ANKRD29: variants seen among roughly 807,000 people sequenced by gnomAD.
The protein encoded by ANKRD29 is ankyrin repeat domain-containing protein 29.
A neutral mutation model predicts 38.0 loss-of-function variants in ANKRD29; 32 were observed. That is an observed-to-expected ratio of 0.84 (90% confidence interval 0.64 to 1.13). The LOEUF (loss-of-function observed/expected upper bound fraction) is 1.13. ANKRD29 is among the 50% of genes most tolerant of loss of function. The pLI, the probability that ANKRD29 is intolerant of heterozygous loss-of-function variation, is 0.00. For missense variants in ANKRD29, 357 were observed against 377.9 expected (o/e 0.94, Z 0.46); for synonymous variants, 135 against 152.4 (o/e 0.89, Z 0.84).
chr18:23,635,290 T>TAAA (rs111546184), intron 4 of ANKRD29, among the ~76,000 whole-genome samples: 1 of 103,264 alleles, frequency 9.7e-6, no homozygotes. Context: ...ATAAAAAAAG[T>TAAA]AAAAAAAAAA....
chr18:23,611,664 G>T (rs571006004), intron 9 of ANKRD29, among the ~76,000 whole-genome samples: 1 of 152,088 alleles, frequency 6.6e-6, no homozygotes. Context: ...CAGTCTGGGT[G>T]ACAGAGCGAG....
At chr18:23,601,857 C>T (rs1422608500) in intron 9 of ANKRD29, among the ~76,000 whole-genome samples, 1 of 151,430 alleles carries the variant, frequency 6.6e-6, no homozygotes, top group Non-Finnish European at 1.5e-5. Flanking sequence ...TGGGGTTTGC[C>T]ATGTTGCCCC....
rs2059501582 is a variant in ANKRD29 at position 23,600,777 on chromosome 18, T to G, written c.*449A>C. The G allele has an allele frequency of 6.4e-6, 1 of 155,292 alleles. No homozygotes were observed. The highest frequency in any genetic ancestry group is 1.4e-5 in the Non-Finnish European group (1 of 69,556). 9.6% of individuals were successfully genotyped at this position (155,292 alleles called of 1,614,324 possible). A position where few individuals can be genotyped will look rare whatever the true frequency, so the allele number is the denominator to read the frequency against. On this transcript the variant is annotated 3_prime_UTR_variant, in exon 10 of 10. Transcript: ENST00000592179. The stretch of plus-strand genomic sequence containing the variant: ...ACATATGTAGGTAAAATATGATAGA[T>G]CTATATATTTTAGCACATCTACATT...
intron 1 of ANKRD29, among the ~76,000 whole-genome samples, chr18:23,662,323 T>C (rs2060374093): frequency 6.6e-6 from 1 of 152,156 alleles, no homozygotes; most frequent in Non-Finnish European, 1.5e-5. Flanking sequence ...GTGCAGCTGG[T>C]ACTCCTGCAT....
chr18:23,662,886 A>G lies in ANKRD29; in HGVS notation c.-156T>C, dbSNP rs1029619294. 1 of 572,530 alleles carries G rather than the reference A, an allele frequency of 1.7e-6. No homozygotes were observed. The highest frequency in any genetic ancestry group is 6.1e-5 in the Admixed American group (1 of 16,276). The allele number at this position is 572,530 out of a possible 1,614,324, so 35.5% of individuals were successfully genotyped here. On this transcript the variant is annotated 5_prime_UTR_variant, in exon 1 of 10. Transcript: ENST00000592179. ...CCCGGCCCGGCAGCAGCCGCCGCAC[A>G]CAGGGCCGGGCCGAAGGGGCGGCGC...
At chr18:23,617,657 G>A (rs1388103973) in intron 8 of ANKRD29, 75 bp downstream of exon 8, 15 of 1,270,194 alleles carry the variant, frequency 1.2e-5, no homozygotes, top group Non-Finnish European at 1.7e-5. Context: ...ACCCAAATTC[G>A]ACACAGTCCC....
chr18:23,646,109 C>T, intron 3 of ANKRD29, 80 bp downstream of exon 3: 3 of 1,297,380 alleles, frequency 2.3e-6, no homozygotes, highest in South Asian at 2.6e-5. Flanking sequence ...TGGCTCTTGT[C>T]CCCCATACCA....
intron 1 of ANKRD29, among the ~76,000 whole-genome samples, chr18:23,652,693 T>C (rs760710849): frequency 6.6e-6 from 1 of 152,220 alleles, no homozygotes; most frequent in African/African-American, 2.4e-5. Context: ...TGTAAAGCAC[T>C]TTACCAAGCA....
chr18:23,607,096 G>A (rs1384817990), intron 9 of ANKRD29, among the ~76,000 whole-genome samples: 1 of 152,166 alleles, frequency 6.6e-6, no homozygotes, highest in Admixed American at 6.6e-5. Context: ...CTGCTGGCTG[G>A]AACCTCACTT....
In ANKRD29 at chr18:23,634,187, G is replaced by A. The variant is rs374961871; in HGVS notation, c.331-38C>T. Reference sequence around the variant, plus strand: ...AAAGTATAAACACATTAGAGGTGGCGCAGGCACATAATTCACCAGCAGATG... The same window carrying A: ...AAAGTATAAACACATTAGAGGTGGCACAGGCACATAATTCACCAGCAGATG... On this transcript the variant is annotated intron_variant, in intron 4 of 9. Coordinates refer to ENST00000592179, the MANE Select transcript of ANKRD29 (RefSeq NM_173505.4). The A allele has an allele frequency of 6.7e-5, 103 of 1,543,256 alleles. 1 individual carries two copies. The South Asian group carries it at 1.1e-3, about 16-fold the overall frequency.
intron 3 of ANKRD29, 97 bp downstream of exon 3, chr18:23,646,092 G>C: frequency 8.8e-7 from 1 of 1,132,360 alleles, no homozygotes; most frequent in Non-Finnish European, 1.3e-6. Flanking sequence ...TGGGAGAAAA[G>C]CAATGATGGC....
At chr18:23,602,069 C>G (rs2059520141) in intron 9 of ANKRD29, among the ~76,000 whole-genome samples, 1 of 151,806 alleles carries the variant, frequency 6.6e-6, no homozygotes, top group African/African-American at 2.4e-5. Context: ...TGGAGTCTCA[C>G]TTTGTCACCC....
rs2059488572 is a variant in ANKRD29 at position 23,599,455 on chromosome 18, AT to A, written c.*1770del. The A allele has an allele frequency of 6.6e-6, 1 of 152,236 alleles. No individual in the cohort carries two copies. The highest frequency in any genetic ancestry group is 2.4e-5 in the African/African-American group (1 of 41,464). 9.4% of individuals were successfully genotyped at this position (152,236 alleles called of 1,614,324 possible). A position where few individuals can be genotyped will look rare whatever the true frequency, so the allele number is the denominator to read the frequency against. ...CATAACGTTTTGCTTTGTATCAGTGATTAGCAACTATTTTTGCCATAAGGGC... is the reference window on the plus strand; with the variant it reads ...CATAACGTTTTGCTTTGTATCAGTGATAGCAACTATTTTTGCCATAAGGGC... On this transcript the variant is annotated 3_prime_UTR_variant, in exon 10 of 10. Transcript: ENST00000592179.
chr18:23,655,193 C>A (rs541845578), intron 1 of ANKRD29, among the ~76,000 whole-genome samples: 4 of 143,078 alleles, frequency 2.8e-5, no homozygotes, highest in South Asian at 2.5e-4. Context: ...AGTGAACCCC[C>A]CTCTTGGCCC....
In ANKRD29 at chr18:23,662,758, C is replaced by A. The variant is rs767952480; in HGVS notation, c.-28G>T. ...CCGCGGCCGCCCGAGCGGGAGCCGGCGCGCTTTGGGCCCGGGGCGCCTTGT... is the reference window on the plus strand; with the variant it reads ...CCGCGGCCGCCCGAGCGGGAGCCGGAGCGCTTTGGGCCCGGGGCGCCTTGT... On this transcript the variant is annotated 5_prime_UTR_variant, in exon 1 of 10. Transcript: ENST00000592179. 6.2e-6 allele frequency: 9 copies of A among 1,457,606 alleles called. No individual in the cohort carries two copies. The Admixed American group carries it at 1.9e-4, about 31-fold the overall frequency. The allele number at this position is 1,457,606 out of a possible 1,614,324, so 90.3% of individuals were successfully genotyped here.
rs147450862 is a variant in ANKRD29 at position 23,619,210 on chromosome 18, G to A, written c.627+321C>T. 2.7e-3 allele frequency among the ~76,000 whole-genome samples: 410 copies of A among 152,282 alleles called. 3 individuals carry two copies. The highest frequency in any genetic ancestry group is 9.5e-3 in the African/African-American group (395 of 41,556). On this transcript the variant is annotated intron_variant, in intron 7 of 9. Coordinates refer to ENST00000592179, the MANE Select transcript of ANKRD29 (RefSeq NM_173505.4). ...GCAGGAGGCGCAGCACCAGCCAGGG[G>A]ATCCCCCTAGGACACGCCCCAGGAC...
intron 8 of ANKRD29, among the ~76,000 whole-genome samples, chr18:23,615,346 GAC>G (rs2059697283): frequency 6.6e-6 from 1 of 152,012 alleles, no homozygotes; most frequent in Non-Finnish European, 1.5e-5. Context: ...AAGATTAAAA[GAC>G]GAAAAATATT....
At chr18:23,629,800 C>G (rs2059906245) in intron 6 of ANKRD29, 53 bp downstream of exon 6, 13 of 1,495,780 alleles carry the variant, frequency 8.7e-6, no homozygotes, top group Non-Finnish European at 1.0e-5. Context: ...GACACCCAGC[C>G]CTCCCTGCCC....
chr18:23,625,751 G>A (rs2145675326), intron 6 of ANKRD29, among the ~76,000 whole-genome samples: 1 of 152,292 alleles, frequency 6.6e-6, no homozygotes, highest in African/African-American at 2.4e-5. Context: ...AGGTCACACA[G>A]TTAATAAGCA....
Sources: gnomAD v4.1 joint callset for allele counts (sites outside exome capture counted in the v4.1 genomes callset) on GRCh38, gnomAD v4.1.1 for gene constraint, MANE v1.5 for transcripts, NCBI Gene and HGNC (gene_info 2026-07-23, HGNC 2026-07-21) for gene names.